Variants in TXNRD3 observed in about 807,000 individuals in gnomAD.
TXNRD3 encodes TXNRD3 neighbor gene protein.
A neutral mutation model predicts 78.2 loss-of-function variants in TXNRD3; 68 were observed. The observed-to-expected ratio is 0.87, with a 90% CI of 0.72 to 1.06. The LOEUF is 1.06. Among genes scored for constraint, TXNRD3 ranks in the 50% least tolerant of loss-of-function variants. The probability of loss-of-function intolerance (pLI) is 0.00; values close to 1 mark genes in which losing one functional copy is unlikely to be tolerated. For synonymous variants in TXNRD3, 296 were observed against 300.1 expected (o/e 0.99, Z 0.14); for missense variants, 751 against 809.5 (o/e 0.93, Z 0.88).
At chr3:126,644,908 G>C (rs1430126932) in intron 3 of TXNRD3, among the ~76,000 whole-genome samples, 1 of 152,178 alleles carries the variant, frequency 6.6e-6, no homozygotes, top group Non-Finnish European at 1.5e-5. Context: ...TTTTCTTTCA[G>C]CAACAGTCAT....
intron 6 of TXNRD3, among the ~76,000 whole-genome samples, chr3:126,634,383 C>T (rs1938799729): frequency 6.6e-6 from 1 of 152,124 alleles, no homozygotes; most frequent in Non-Finnish European, 1.5e-5. Flanking sequence ...GAACCCTTTC[C>T]CACTCCATGG....
At position 126,612,946 on chromosome 3, in the gene TXNRD3, T is replaced by G. The variant is rs545019163; in HGVS notation, c.1633-1814A>C. ...CGAGCATTTGAATCCATTTCTGGGTTTCACATTCTGTTCTACTGATCTTGC... is the reference window on the plus strand; with the variant it reads ...CGAGCATTTGAATCCATTTCTGGGTGTCACATTCTGTTCTACTGATCTTGC... On this transcript the variant is annotated intron_variant, in intron 13 of 15. Transcript: ENST00000524230. 2.0e-5 allele frequency among the ~76,000 whole-genome samples: 3 copies of G among 152,348 alleles called. No individual in the cohort carries two copies. The East Asian group carries it at 5.8e-4, about 29-fold the overall frequency.
chr3:126,641,976 C>CTAAAGA, intron 6 of TXNRD3, 56 bp downstream of exon 6: 1 of 1,459,258 alleles, frequency 6.9e-7, no homozygotes, highest in South Asian at 1.4e-5. Context: ...AAGTCTTTAT[C>CTAAAGA]TAAAAAACTC....
Position 126,630,842 on chromosome 3 carries a change from A to G in TXNRD3, c.1067T>C (p.Phe356Ser). ...TACCATAACTGTGACATCTAGGCCA[A>G]AGCCAGCCAGAAACCCTGCACACTC... Residue 356 changes from phenylalanine (F) to serine (S), a missense_variant, in exon 9 of 16, where the codon TTT (phenylalanine) becomes TCT (serine). Transcript: ENST00000524230. The G allele has an allele frequency of 6.5e-7, 1 of 1,536,018 alleles. No homozygotes were observed. Among genetic ancestry groups the G allele is most frequent in the Non-Finnish European group, 8.7e-7 (1 of 1,146,880 alleles).
chr3:126,649,364 G>A (rs1386214698), intron 1 of TXNRD3, among the ~76,000 whole-genome samples: 1 of 152,208 alleles, frequency 6.6e-6, no homozygotes, highest in African/African-American at 2.4e-5. Flanking sequence ...TGAGGATGCA[G>A]AGAAACTGAG....
intron 1 of TXNRD3, among the ~76,000 whole-genome samples, chr3:126,648,057 GTTGA>G (rs780041438): frequency 1.3e-5 from 2 of 152,028 alleles, no homozygotes; most frequent in Admixed American, 6.6e-5. Context: ...ACAAAAATCA[GTTGA>G]TTTTCTGTAT....
intron 1 of TXNRD3, among the ~76,000 whole-genome samples, chr3:126,651,038 A>C (rs1933375680): frequency 6.6e-6 from 1 of 152,162 alleles, no homozygotes; most frequent in Non-Finnish European, 1.5e-5. Context: ...ACCCAATAAC[A>C]CTTATTGAAT....
In TXNRD3 at chr3:126,631,041, G is replaced by A. The variant is rs1387049058; in HGVS notation, c.972-104C>T. 7.0e-6 allele frequency: 8 copies of A among 1,150,184 alleles called. No individual in the cohort carries two copies. The East Asian group carries it at 2.1e-4, about 30-fold the overall frequency. The allele number at this position is 1,150,184 out of a possible 1,614,324, so 71.2% of individuals were successfully genotyped here. A position where few individuals can be genotyped will look rare whatever the true frequency, so the allele number is the denominator to read the frequency against. ...CTTGTGATGACTGAATTATAATTTA[G>A]TGCTTGAATGAAGCAACAGCCTTTT... On this transcript the variant is annotated intron_variant, in intron 8 of 15. Coordinates refer to ENST00000524230, the MANE Select transcript of TXNRD3 (RefSeq NM_052883.3).
chr3:126,649,542 C>T (rs998921090), intron 1 of TXNRD3, among the ~76,000 whole-genome samples: 4 of 152,184 alleles, frequency 2.6e-5, no homozygotes, highest in African/African-American at 9.7e-5. Context: ...TATTTGTACA[C>T]CCATGTTCAT....
In TXNRD3 at chr3:126,646,242, T is replaced by C. The variant is rs1933230522; in HGVS notation, c.305-22A>G. The C allele has an allele frequency of 9.4e-6, 14 of 1,486,660 alleles. 1 individual carries two copies. The highest frequency in any genetic ancestry group is 7.9e-5 in the South Asian group (6 of 75,996). The allele number at this position is 1,486,660 out of a possible 1,614,324, so 92.1% of individuals were successfully genotyped here. On this transcript the variant is annotated intron_variant, in intron 2 of 15. Coordinates refer to ENST00000524230, the MANE Select transcript of TXNRD3 (RefSeq NM_052883.3). ...TCATCTAAAGAAGAAAAAAACTATA[T>C]ATAAAAACACTGAAAAGAGTTTCAA...
chr3:126,611,226 T>C (rs1415592969), intron 13 of TXNRD3, 94 bp from the exon 14 acceptor site: 2 of 743,616 alleles, frequency 2.7e-6, no homozygotes, highest in South Asian at 3.9e-5. Context: ...ATAATCTCCA[T>C]AGCAGCTTTC....
chr3:126,620,674 T>G (rs538969174), intron 12 of TXNRD3, among the ~76,000 whole-genome samples: 2 of 152,234 alleles, frequency 1.3e-5, no homozygotes, highest in South Asian at 2.1e-4. Context: ...AAATAAAAAG[T>G]TGGGGGAAAT....
chr3:126,653,945 T>C (rs912876917), intron 1 of TXNRD3, among the ~76,000 whole-genome samples: 2 of 151,954 alleles, frequency 1.3e-5, no homozygotes, highest in South Asian at 2.1e-4. Flanking sequence ...TATGTATGTA[T>C]GGTTCTATTT....
chr3:126,610,910 T>TG (rs1332431832), intron 14 of TXNRD3, 127 bp downstream of exon 14: 1 of 521,518 alleles, frequency 1.9e-6, no homozygotes, highest in Non-Finnish European at 3.3e-6. Context: ...GGCCAGGAGT[T>TG]GGAGACCAGC....
Position 126,611,037 on chromosome 3 carries a change from A to G in TXNRD3, c.1728T>C (p.His576=). The G allele has an allele frequency of 6.7e-7, 1 of 1,499,046 alleles. No individual in the cohort carries two copies. The highest frequency in any genetic ancestry group is 8.9e-7 in the Non-Finnish European group (1 of 1,125,124). 92.9% of individuals were successfully genotyped at this position (1,499,046 alleles called of 1,614,324 possible). A position where few individuals can be genotyped will look rare whatever the true frequency, so the allele number is the denominator to read the frequency against. Reference sequence around the variant, plus strand: ...TTTGGCTTCTAGTGGTATTACATACATGGTCGAATTTATTGCAGATTATCT... The same window carrying G: ...TTTGGCTTCTAGTGGTATTACATACGTGGTCGAATTTATTGCAGATTATCT... The change falls in exon 14 of 16, where the codon CAT becomes CAC. Residue 576 remains histidine (H), a splice_region_variant and synonymous_variant. Transcript: ENST00000524230.
intron 6 of TXNRD3, among the ~76,000 whole-genome samples, chr3:126,637,103 C>G (rs1467742781): frequency 6.6e-6 from 1 of 152,048 alleles, no homozygotes; most frequent in African/African-American, 2.4e-5. Context: ...ACTAATGGTA[C>G]CTTTTGGAGA....
At chr3:126,608,683 A>G in intron 14 of TXNRD3, 50 bp from the exon 15 acceptor site, 1 of 1,500,188 alleles carries the variant, frequency 6.7e-7, no homozygotes, top group Non-Finnish European at 8.9e-7. Context: ...TAATGGTCTG[A>G]ATATGGATCC....
rs150878948 is a variant in TXNRD3, at chr3:126,652,131, T to C, written c.243+2617A>G. On this transcript the variant is annotated intron_variant, in intron 1 of 15. Transcript: ENST00000524230. ...GTAGACTCTACAGGAAGCATGATAC[T>C]GGCATCTCCCTGGCTTCTGGGAGGC... 9.2e-3 allele frequency among the ~76,000 whole-genome samples: 1,398 copies of C among 152,296 alleles called. 8 individuals carry two copies. Among genetic ancestry groups the C allele is most frequent in the Non-Finnish European group, 0.015 (1,001 of 68,014 alleles).
intron 10 of TXNRD3, 33 bp downstream of exon 10, chr3:126,629,346 C>CAAT: frequency 7.2e-7 from 1 of 1,391,624 alleles, no homozygotes; most frequent in Non-Finnish European, 9.7e-7. Context: ...GGAGTGTGTT[C>CAAT]AATAACTTAG....
Sources: gnomAD v4.1 joint callset for allele counts (sites outside exome capture counted in the v4.1 genomes callset) on GRCh38, gnomAD v4.1.1 for gene constraint, MANE v1.5 for transcripts, NCBI Gene and HGNC (gene_info 2026-07-23, HGNC 2026-07-21) for gene names.